Variants in KIR3DL3 observed in about 807,000 individuals in gnomAD.
The protein encoded by KIR3DL3 is killer cell immunoglobulin like receptor, three Ig domains and long cytoplasmic tail 3, also known as killer cell immunoglobulin-like receptor 3DL3.
A neutral mutation model predicts 34.9 loss-of-function variants in KIR3DL3; 27 were observed. The ratio of observed to expected loss-of-function variants is 0.77; its 90% CI spans 0.57 to 1.07. The LOEUF (loss-of-function observed/expected upper bound fraction) is 1.07, where lower values mean the gene tolerates loss of function less well. Ranked by LOEUF, KIR3DL3 falls within the 50% of genes least tolerant of loss-of-function variation. The pLI is 0.00. For synonymous variants in KIR3DL3, 217 were observed against 200.2 expected (o/e 1.08, Z -0.71); for missense variants, 681 against 528.5 (o/e 1.29, Z -2.83).
chr19:54,724,595 T>TATGGG lies in KIR3DL3; in HGVS notation c.34+65_34+66insATGGG, dbSNP rs2067910096. The TATGGG allele has an allele frequency of 1.8e-5, 29 of 1,595,682 alleles. No homozygotes were observed. In the African/African-American group the frequency reaches 3.2e-4, roughly 17 times the overall value. On this transcript the variant is annotated intron_variant, in intron 1 of 7. Coordinates refer to ENST00000291860, the MANE Select transcript of KIR3DL3 (RefSeq NM_153443.5). ...TGGAGATCTGGGCCTGGAGTGGAGA[T>TATGGG]CTGGGCCTGGAGTGGAGATATGGGC...
rs745665944 is a variant in KIR3DL3, at chr19:54,735,826, T to C, written c.1061T>C (p.Val354Ala). The change falls in exon 7 of 8, where the codon GTT (valine) becomes GCT (alanine). Residue 354 changes from valine to alanine, a missense_variant. By Grantham distance (64) the Val-to-Ala change is moderately conservative (BLOSUM62 0). Transcript: ENST00000291860. ...CGACTTCCGTCTTCTACAGATGCTG[T>C]TGTAATGGACCAAGAGCCTGCAGGG... ...HRWCANKKNA[V>A]VMDQEPAGNR... 91 of 1,606,696 alleles carry C rather than the reference T, an allele frequency of 5.7e-5. No homozygotes were observed. The Admixed American group carries it at 7.7e-4, about 14-fold the overall frequency.
At chr19:54,730,792 A>G (rs1185021675) in intron 5 of KIR3DL3, among the ~76,000 whole-genome samples, 14 of 152,016 alleles carry the variant, frequency 9.2e-5, no homozygotes, top group Admixed American at 5.9e-4. Flanking sequence ...AGTTGTCCCT[A>G]TTGTGTGTGT....
intron 4 of KIR3DL3, 49 bp from the exon 5 acceptor site, chr19:54,729,444 C>T (rs2068561729): frequency 4.2e-6 from 6 of 1,433,022 alleles, no homozygotes; most frequent in East Asian, 2.4e-5. Context: ...GTGAGGAGAG[C>T]TGTGACAAGG....
chr19:54,729,670 C>G lies in KIR3DL3; in HGVS notation c.833C>G (p.Ala278Gly). ...CTGAGGGTCAATGGAACATTCCAGG[C>G]CAACTTCCCTCTGGGCCCTGTGACC... ...AVLRVNGTFQ[A>G]NFPLGPVTHG... Residue 278 changes from alanine (A) to glycine (G), a missense_variant, in exon 5 of 8, where the codon GCC becomes GGC. Physicochemically the swap from Ala to Gly is moderately conservative, Grantham distance 60. Coordinates refer to ENST00000291860, the MANE Select transcript of KIR3DL3 (RefSeq NM_153443.5). 1.2e-6 allele frequency: 2 copies of G among 1,600,608 alleles called. No individual in the cohort carries two copies. The highest frequency in any genetic ancestry group is 1.7e-6 in the Non-Finnish European group (2 of 1,176,560).
chr19:54,725,343 C>A (rs926581824), intron 2 of KIR3DL3, 61 bp downstream of exon 2: 2 of 1,284,320 alleles, frequency 1.6e-6, no homozygotes, highest in Non-Finnish European at 1.1e-6. Context: ...GCTCCTGAAA[C>A]GGGAGGCAGG....
chr19:54,730,035 G>C (rs1451218526), intron 5 of KIR3DL3, among the ~76,000 whole-genome samples: 1 of 151,524 alleles, frequency 6.6e-6, no homozygotes, highest in Non-Finnish European at 1.5e-5. Flanking sequence ...AACAGACCCA[G>C]AGGAGGGAGA....
intron 5 of KIR3DL3, among the ~76,000 whole-genome samples, chr19:54,732,978 C>G (rs3815429): frequency 0.3 from 46,272 of 151,794 alleles, 7,399 homozygotes; most frequent in East Asian, 0.49. Flanking sequence ...TCTAGGAGAC[C>G]GTGGAAAAGG....
At chr19:54,735,192 G>C (rs2069345949) in intron 5 of KIR3DL3, 61 bp from the exon 6 acceptor site, 1 of 1,249,878 alleles carries the variant, frequency 8.0e-7, no homozygotes, top group African/African-American at 1.5e-5. Context: ...AGAAATGTGA[G>C]ACAATTCATA....
chr19:54,734,388 A>T (rs1296617434), intron 5 of KIR3DL3, among the ~76,000 whole-genome samples: 2 of 150,550 alleles, frequency 1.3e-5, no homozygotes, highest in Non-Finnish European at 3.0e-5. Flanking sequence ...TGACAACAGA[A>T]ACCTACATTT....
chr19:54,732,641 C>T (rs1280444910), intron 5 of KIR3DL3, among the ~76,000 whole-genome samples: 1 of 152,148 alleles, frequency 6.6e-6, no homozygotes, highest in Admixed American at 6.5e-5. Flanking sequence ...ATATTTGTGA[C>T]CTTAATGGAA....
chr19:54,734,777 G>A (rs1469803025), intron 5 of KIR3DL3, among the ~76,000 whole-genome samples: 1 of 145,370 alleles, frequency 6.9e-6, no homozygotes, highest in Non-Finnish European at 1.5e-5. Context: ...CTCCCACTCT[G>A]GCAGAAGGGA....
At chr19:54,727,243 T>C (rs2068283961) in intron 3 of KIR3DL3, among the ~76,000 whole-genome samples, 1 of 119,478 alleles carries the variant, frequency 8.4e-6, no homozygotes, top group Non-Finnish European at 1.8e-5. Context: ...CCTGCCGGCC[T>C]TTCCAATCTG....
In KIR3DL3 at chr19:54,727,889, C is replaced by A. The variant is rs774879170; in HGVS notation, c.634C>A (p.Pro212Thr). ...CTATGAGTTGTCGGCTCCCAGTGACCCTCTGGACATCGTGGTCGTAGGTGA... is the reference window on the plus strand; with the variant it reads ...CTATGAGTTGTCGGCTCCCAGTGACACTCTGGACATCGTGGTCGTAGGTGA... ...LPYELSAPSDPLDIVVVGLYG... is the reference protein window; with the variant it reads ...LPYELSAPSDTLDIVVVGLYG... The change falls in exon 4 of 8, where the codon CCT becomes ACT. Residue 212 changes from proline to threonine, a missense_variant. Coordinates refer to ENST00000291860, the MANE Select transcript of KIR3DL3 (RefSeq NM_153443.5). The A allele has an allele frequency of 1.9e-6, 3 of 1,611,756 alleles. No homozygotes were observed. In the African/African-American group the frequency reaches 4.0e-5, roughly 22 times the overall value.
intron 5 of KIR3DL3, 52 bp from the exon 6 acceptor site, chr19:54,735,201 T>G (rs1292315771): frequency 2.3e-6 from 3 of 1,285,402 alleles, no homozygotes; most frequent in Non-Finnish European, 3.4e-6. Context: ...AGACAATTCA[T>G]ATAGAGGAAC....
intron 5 of KIR3DL3, among the ~76,000 whole-genome samples, chr19:54,734,980 A>T (rs1259210546): frequency 2.1e-5 from 3 of 142,594 alleles, no homozygotes; most frequent in Non-Finnish European, 4.6e-5. Context: ...CATGACCCAA[A>T]CAACTCCCAA....
Position 54,725,083 on chromosome 19 carries a change from C to T in KIR3DL3, c.35-164C>T, listed in dbSNP as rs1289082923. Among the ~76,000 whole-genome samples, 7 of 133,790 alleles carry T rather than the reference C, an allele frequency of 5.2e-5. 1 individual carries two copies. The Admixed American group carries it at 5.4e-4, about 10-fold the overall frequency. 87.8% of individuals were successfully genotyped at this position (133,790 alleles called of 152,430 possible). A position where few individuals can be genotyped will look rare whatever the true frequency, so the allele number is the denominator to read the frequency against. ...TATAGGACGGAGGTGGAGATATAGG[C>T]CTGGAGTGGAGATATGGGCCTGGAG... On this transcript the variant is annotated intron_variant, in intron 1 of 7. Coordinates refer to ENST00000291860, the MANE Select transcript of KIR3DL3 (RefSeq NM_153443.5).
chr19:54,734,049 T>G (rs1264764468), intron 5 of KIR3DL3, among the ~76,000 whole-genome samples: 9 of 152,324 alleles, frequency 5.9e-5, no homozygotes, highest in South Asian at 2.1e-4. Flanking sequence ...TCACAAAAAG[T>G]AGCATGTTGT....
intron 5 of KIR3DL3, among the ~76,000 whole-genome samples, chr19:54,730,560 A>G (rs2068689577): frequency 1.3e-5 from 2 of 151,542 alleles, no homozygotes; most frequent in African/African-American, 4.9e-5. Context: ...GGCAACAGAG[A>G]GAGACACTCT....
chr19:54,732,681 G>A (rs1474849228), intron 5 of KIR3DL3, among the ~76,000 whole-genome samples: 3 of 152,188 alleles, frequency 2.0e-5, no homozygotes, highest in Non-Finnish European at 4.4e-5. Context: ...GAAGATTGGC[G>A]GAAGGATTTT....
Sources: gnomAD v4.1 joint callset for allele counts (sites outside exome capture counted in the v4.1 genomes callset) on GRCh38, gnomAD v4.1.1 for gene constraint, MANE v1.5 for transcripts, NCBI Gene and HGNC (gene_info 2026-07-23, HGNC 2026-07-21) for gene names.